Variants in NR3C2 observed in about 807,000 individuals in gnomAD.
NR3C2 encodes the protein mineralocorticoid receptor.
A neutral mutation model predicts 86.4 loss-of-function variants in NR3C2; 15 were observed. The ratio of observed to expected loss-of-function variants is 0.17; its 90% CI spans 0.12 to 0.27. The LOEUF (loss-of-function observed/expected upper bound fraction) is 0.27. Among genes scored for constraint, NR3C2 ranks in the 10% least tolerant of loss-of-function variants. The pLI, the probability that NR3C2 is intolerant of heterozygous loss-of-function variation, is 1.00. For synonymous variants in NR3C2, 458 were observed against 450.5 expected, an observed-to-expected ratio of 1.02 and a Z score of -0.21; for missense variants, 960 against 1,195.6, an observed-to-expected ratio of 0.80 and a Z score of 2.91.
chr4:148,228,942 C>T (rs1189528270), intron 3 of NR3C2, among the ~76,000 whole-genome samples: 6 of 152,038 alleles, frequency 3.9e-5, no homozygotes, highest in African/African-American at 7.2e-5. Flanking sequence ...CTGTATGATG[C>T]CTATAAAAGA....
At chr4:148,342,217 G>A (rs999506762) in intron 2 of NR3C2, among the ~76,000 whole-genome samples, 2 of 152,024 alleles carry the variant, frequency 1.3e-5, no homozygotes, top group African/African-American at 4.8e-5. Context: ...AGTGGATAGC[G>A]AAGTACGTGG....
chr4:148,300,818 C>T (rs918112835), intron 2 of NR3C2, among the ~76,000 whole-genome samples: 2 of 152,120 alleles, frequency 1.3e-5, no homozygotes, highest in African/African-American at 4.8e-5. Flanking sequence ...GTAATCCACC[C>T]ACCTTGGCCT....
intron 2 of NR3C2, among the ~76,000 whole-genome samples, chr4:148,311,513 A>C (rs925161611): frequency 6.6e-6 from 1 of 152,126 alleles, no homozygotes; most frequent in African/African-American, 2.4e-5. Context: ...GTCACTTCTC[A>C]CCACCTCAAT....
At chr4:148,356,357 T>C (rs72656856) in intron 2 of NR3C2, among the ~76,000 whole-genome samples, 6 of 152,324 alleles carry the variant, frequency 3.9e-5, no homozygotes, top group African/African-American at 1.4e-4. Flanking sequence ...TACATGCACA[T>C]TATATAAATT....
intron 2 of NR3C2, among the ~76,000 whole-genome samples, chr4:148,400,622 T>C (rs1748105393): frequency 6.6e-6 from 1 of 151,464 alleles, no homozygotes; most frequent in East Asian, 1.9e-4. Flanking sequence ...CTACTAAAAA[T>C]ACAAAAATTA....
intron 2 of NR3C2, among the ~76,000 whole-genome samples, chr4:148,398,332 A>AT (rs1182552425): frequency 6.6e-6 from 1 of 152,216 alleles, no homozygotes; most frequent in Non-Finnish European, 1.5e-5. Context: ...AACCTAGAAT[A>AT]TTTTAACTCC....
chr4:148,391,261 G>A (rs1166258933), intron 2 of NR3C2, among the ~76,000 whole-genome samples: 2 of 151,912 alleles, frequency 1.3e-5, no homozygotes, highest in Non-Finnish European at 2.9e-5. Flanking sequence ...TAACACAAAC[G>A]GTTTTCTGTT....
chr4:148,102,999 C>T (rs1390552894), intron 8 of NR3C2, among the ~76,000 whole-genome samples: 2 of 152,222 alleles, frequency 1.3e-5, no homozygotes, highest in African/African-American at 4.8e-5. Flanking sequence ...TCCTCTTTCT[C>T]TCCATTCGTC....
intron 4 of NR3C2, among the ~76,000 whole-genome samples, chr4:148,193,617 A>T (rs959440874): frequency 1.3e-5 from 2 of 152,292 alleles, no homozygotes; most frequent in African/African-American, 4.8e-5. Context: ...TATATATGTT[A>T]CACTGTATTT....
intron 2 of NR3C2, among the ~76,000 whole-genome samples, chr4:148,419,344 G>T (rs1220456189): frequency 2.0e-5 from 3 of 152,164 alleles, no homozygotes; most frequent in Non-Finnish European, 4.4e-5. Flanking sequence ...GTTGGCGAAG[G>T]AAGGGCCCAC....
At chr4:148,230,219 C>A (rs1579043582) in intron 3 of NR3C2, among the ~76,000 whole-genome samples, 1 of 152,070 alleles carries the variant, frequency 6.6e-6, no homozygotes, top group African/African-American at 2.4e-5. Flanking sequence ...TTAGAGACAG[C>A]GTCTTGCTCT....
chr4:148,154,666 T>A lies in NR3C2; in HGVS notation c.2250A>T (p.Val750=). 1 of 1,614,226 alleles carries A rather than the reference T, an allele frequency of 6.2e-7. No homozygotes were observed. The highest frequency in any genetic ancestry group is 1.3e-5 in the African/African-American group (1 of 75,058). Residue 750 remains valine (V), a synonymous_variant, in exon 5 of 9, where the codon GTA becomes GTT. Transcript: ENST00000358102. ...MVLENIEPEI[V]YAGYDSSKPD... ...GTTTTGAGCTGTCATAGCCTGCATATACAATTTCAGGTTCAATGTTTTCAA... is the reference window on the plus strand; with the variant it reads ...GTTTTGAGCTGTCATAGCCTGCATAAACAATTTCAGGTTCAATGTTTTCAA...
intron 2 of NR3C2, among the ~76,000 whole-genome samples, chr4:148,366,344 C>T (rs4513547): frequency 0.21 from 30,913 of 147,044 alleles, 3,367 homozygotes; most frequent in Non-Finnish European, 0.24. Flanking sequence ...CTGGCTTCAG[C>T]AGAACCTGTC....
chr4:148,362,654 G>T (rs933145109), intron 2 of NR3C2, among the ~76,000 whole-genome samples: 1 of 152,124 alleles, frequency 6.6e-6, no homozygotes, highest in East Asian at 1.9e-4. Context: ...AAGAAAATGG[G>T]CACAGTTCCC....
chr4:148,368,483 C>T (rs769107690), intron 2 of NR3C2: 1 of 152,218 alleles, frequency 6.6e-6, no homozygotes, highest in South Asian at 2.1e-4. Flanking sequence ...CATAATGACA[C>T]ATTATTGTCA....
At chr4:148,215,647 G>A (rs954794918) in intron 3 of NR3C2, among the ~76,000 whole-genome samples, 1 of 152,176 alleles carries the variant, frequency 6.6e-6, no homozygotes, top group Non-Finnish European at 1.5e-5. Flanking sequence ...AGAACATCAA[G>A]TGAAAAGTCT....
intron 2 of NR3C2, among the ~76,000 whole-genome samples, chr4:148,304,566 C>T (rs1742512670): frequency 6.6e-6 from 1 of 152,096 alleles, no homozygotes; most frequent in South Asian, 2.1e-4. Flanking sequence ...TCAGGGAGAA[C>T]TGACTGCCAT....
At chr4:148,269,354 T>C (rs1740556222) in intron 2 of NR3C2, among the ~76,000 whole-genome samples, 1 of 152,208 alleles carries the variant, frequency 6.6e-6, no homozygotes, top group Non-Finnish European at 1.5e-5. Flanking sequence ...CTGTTGACCT[T>C]ATCGACGGTA....
At chr4:148,261,820 G>A (rs568706424) in intron 2 of NR3C2, among the ~76,000 whole-genome samples, 3 of 152,280 alleles carry the variant, frequency 2.0e-5, no homozygotes, top group South Asian at 2.1e-4. Context: ...ATAATAATGC[G>A]TTAATATTTG....
Sources: allele counts gnomAD v4.1 joint callset (sites outside exome capture counted in the v4.1 genomes callset), GRCh38; gene constraint gnomAD v4.1.1; transcripts MANE v1.5; gene names NCBI Gene and HGNC (gene_info 2026-07-23, HGNC 2026-07-21).